The following MYCBP2 variants were observed in gnomAD, a reference collection of about 807,000 sequenced individuals.
MYCBP2 encodes MYC binding protein 2.
MYCBP2 carries 120 observed loss-of-function variants against 525.3 expected under a neutral mutation model. That is an observed-to-expected ratio of 0.23 (90% confidence interval 0.20 to 0.27). MYCBP2 has a LOEUF of 0.27. Among genes scored for constraint, MYCBP2 ranks in the 10% least tolerant of loss-of-function variants. MYCBP2 has a pLI of 1.00. For synonymous variants in MYCBP2, 1,894 were observed against 1,955.8 expected (o/e 0.97, Z 0.83); for missense variants, 4,149 against 5,657.1 (o/e 0.73, Z 8.55).
rs754384482 is a variant in MYCBP2 at position 77,090,143 on chromosome 13, T to C, written c.10488A>G (p.Lys3496=). 2 of 1,612,472 alleles carry C rather than the reference T, an allele frequency of 1.2e-6. No homozygotes were observed. The highest frequency in any genetic ancestry group is 1.7e-6 in the Non-Finnish European group (2 of 1,179,136). The change falls in exon 60 of 83, where the codon AAA becomes AAG. Residue 3496 remains lysine (K), a synonymous_variant. Transcript: ENST00000544440. ...KQHSILPARV[K]AIPRRRVNSG... Reference sequence around the variant, plus strand: ...TGTTAACTCTTCTTCTAGGAATAGCTTTAACTCGTGCAGGTAAAATGGAGT... The same window carrying C: ...TGTTAACTCTTCTTCTAGGAATAGCCTTAACTCGTGCAGGTAAAATGGAGT...
chr13:77,268,444 A>G (rs951527778), intron 7 of MYCBP2, among the ~76,000 whole-genome samples: 4 of 152,214 alleles, frequency 2.6e-5, no homozygotes, highest in Non-Finnish European at 4.4e-5. Context: ...ACTAAGTTCA[A>G]TTTTTAAGAG....
rs764309092 is a variant in MYCBP2, at chr13:77,126,333, G to C, written c.7869C>G (p.Val2623=). 6.9e-5 allele frequency: 111 copies of C among 1,613,444 alleles called. No individual in the cohort carries two copies. The highest frequency in any genetic ancestry group is 8.5e-5 in the Non-Finnish European group (100 of 1,179,680). The part of the protein sequence containing the change: ...PIGMLVLGNK[V]KAVGEVTNSE... ...GAATCCATACCTCTCCCACTGCTTTGACTTTGTTTCCCAGAACTAACATTC... is the reference window on the plus strand; with the variant it reads ...GAATCCATACCTCTCCCACTGCTTTCACTTTGTTTCCCAGAACTAACATTC... Residue 2623 remains valine, a synonymous_variant, in exon 53 of 83, where the codon GTC becomes GTG. Coordinates refer to ENST00000544440, the MANE Select transcript of MYCBP2 (RefSeq NM_015057.5).
intron 18 of MYCBP2, among the ~76,000 whole-genome samples, chr13:77,226,143 A>ACC (rs2066237143): frequency 6.6e-6 from 1 of 152,240 alleles, no homozygotes; most frequent in African/African-American, 2.4e-5. Context: ...TTCCTGTGCC[A>ACC]CCATCACCTT....
chr13:77,146,287 T>C, intron 47 of MYCBP2, 70 bp from the exon 48 acceptor site: 3 of 1,048,782 alleles, frequency 2.9e-6, no homozygotes, highest in Non-Finnish European at 1.4e-6. Context: ...CAGAGTAATA[T>C]ATTATTCAAT....
chr13:77,061,658 T>G lies in MYCBP2; in HGVS notation c.12903+4A>C. The G allele has an allele frequency of 6.2e-7, 1 of 1,608,972 alleles. No homozygotes were observed. The highest frequency in any genetic ancestry group is 8.5e-7 in the Non-Finnish European group (1 of 1,178,770). On this transcript the variant is annotated splice_donor_region_variant and intron_variant, in intron 75 of 82. Transcript: ENST00000544440. ...TTTTATGCTCCAGAGACAAAAATCTTCACCTGTCTTTGATGAGTTTTGGTT... is the reference window on the plus strand; with the variant it reads ...TTTTATGCTCCAGAGACAAAAATCTGCACCTGTCTTTGATGAGTTTTGGTT...
At chr13:77,151,635 G>T (rs2056469212) in intron 46 of MYCBP2, among the ~76,000 whole-genome samples, 1 of 152,042 alleles carries the variant, frequency 6.6e-6, no homozygotes, top group Non-Finnish European at 1.5e-5. Context: ...TTCGTTAATG[G>T]ATGTTAATAT....
At chr13:77,126,131 CA>C (rs2051626916) in intron 53 of MYCBP2, among the ~76,000 whole-genome samples, 186 bp downstream of exon 53, 1 of 152,062 alleles carries the variant, frequency 6.6e-6, no homozygotes, top group Non-Finnish European at 1.5e-5. Context: ...ATTGTTTACA[CA>C]AGGATAATTA....
intron 81 of MYCBP2, 112 bp downstream of exon 81, chr13:77,051,699 C>A: frequency 1.5e-6 from 1 of 689,632 alleles, no homozygotes; most frequent in Non-Finnish European, 2.4e-6. Flanking sequence ...GAACAAATAT[C>A]AGAAAATACT....
chr13:77,324,534 T>G (rs2082068472), intron 1 of MYCBP2, among the ~76,000 whole-genome samples: 1 of 152,214 alleles, frequency 6.6e-6, no homozygotes, highest in Admixed American at 6.5e-5. Flanking sequence ...AATAAAATAA[T>G]GTGAACTTAA....
At chr13:77,142,486 T>TAA (rs984308767) in intron 49 of MYCBP2, among the ~76,000 whole-genome samples, 2 of 152,232 alleles carry the variant, frequency 1.3e-5, no homozygotes, top group African/African-American at 4.8e-5. Context: ...TACATCAATG[T>TAA]AAAGTACCTC....
intron 21 of MYCBP2, among the ~76,000 whole-genome samples, chr13:77,213,408 G>A (rs922139849): frequency 1.3e-5 from 2 of 152,062 alleles, no homozygotes; most frequent in Non-Finnish European, 2.9e-5. Context: ...CTGGGAGCCG[G>A]AGGTTTCAGT....
intron 76 of MYCBP2, among the ~76,000 whole-genome samples, chr13:77,060,702 A>G (rs976554228): frequency 5.9e-5 from 9 of 152,218 alleles, no homozygotes; most frequent in African/African-American, 2.2e-4. Flanking sequence ...AAACAGTACC[A>G]TTCACAACAC....
chr13:77,074,642 C>T (rs1365884216), intron 68 of MYCBP2, among the ~76,000 whole-genome samples: 5 of 152,156 alleles, frequency 3.3e-5, no homozygotes, highest in Admixed American at 6.5e-5. Flanking sequence ...AAACAAATTA[C>T]GGTAAATCCA....
rs149569279 is a variant in MYCBP2 at position 77,245,139 on chromosome 13, G to A, written c.2382-1188C>T. On this transcript the variant is annotated intron_variant, in intron 15 of 82. Transcript: ENST00000544440. ...GGAGAGGATGTGGAGAAATAGGAAC[G>A]CTTTTACACTGTTGGTGGGAGTGTA... is the stretch of plus-strand genomic sequence containing the variant. Among the ~76,000 whole-genome samples the A allele has an allele frequency of 6.6e-3, 1,006 of 152,236 alleles. 8 individuals carry two copies. The highest frequency in any genetic ancestry group is 0.022 in the African/African-American group (918 of 41,538).
At chr13:77,212,819 T>C (rs1029991882) in intron 21 of MYCBP2, among the ~76,000 whole-genome samples, 13 of 152,136 alleles carry the variant, frequency 8.5e-5, no homozygotes, top group Admixed American at 7.2e-4. Flanking sequence ...TAAAAAGTAA[T>C]AGGAAGTTTC....
chr13:77,202,847 C>CTT (rs1338160231), intron 26 of MYCBP2, among the ~76,000 whole-genome samples: 11 of 152,182 alleles, frequency 7.2e-5, no homozygotes, highest in Non-Finnish European at 7.3e-5. Context: ...TTCAACAACC[C>CTT]TTCATGCTAA....
At chr13:77,319,868 A>G (rs1007745683) in intron 1 of MYCBP2, among the ~76,000 whole-genome samples, 1 of 151,978 alleles carries the variant, frequency 6.6e-6, no homozygotes, top group African/African-American at 2.4e-5. Context: ...TTCTGAGACC[A>G]CTCCTGGCAC....
chr13:77,126,264 G>T, intron 53 of MYCBP2, 54 bp downstream of exon 53: 1 of 1,469,312 alleles, frequency 6.8e-7, no homozygotes. Flanking sequence ...TGCTTTGGTT[G>T]TATTACATTA....
At chr13:77,319,437 A>C (rs2081334947) in intron 1 of MYCBP2, among the ~76,000 whole-genome samples, 1 of 152,124 alleles carries the variant, frequency 6.6e-6, no homozygotes, top group African/African-American at 2.4e-5. Context: ...AATTCTACCT[A>C]CCTTGGTGCT....
Sources: allele counts gnomAD v4.1 joint callset (sites outside exome capture counted in the v4.1 genomes callset), GRCh38; gene constraint gnomAD v4.1.1; transcripts MANE v1.5; gene names NCBI Gene and HGNC (gene_info 2026-07-23, HGNC 2026-07-21).